SH2D2A: variants seen among roughly 807,000 people sequenced by gnomAD.
SH2D2A encodes the protein SH2 domain-containing protein 2A.
Under a neutral mutation model 43.6 loss-of-function variants are expected in SH2D2A, and 33 were observed. The ratio of observed to expected loss-of-function variants is 0.76; its 90% CI spans 0.57 to 1.01. SH2D2A has a LOEUF of 1.01. SH2D2A is among the 50% of genes least tolerant of loss of function. The pLI, the probability that SH2D2A is intolerant of heterozygous loss-of-function variation, is 0.00. For synonymous variants in SH2D2A, 212 were observed against 206.1 expected (o/e 1.03, Z -0.25); for missense variants, 491 against 503.1 (o/e 0.98, Z 0.23).
chr1:156,815,779 A>T (rs780133657), intron 2 of SH2D2A: 1 of 1,612,164 alleles, frequency 6.2e-7, no homozygotes, highest in South Asian at 1.1e-5. Flanking sequence ...ACTCAGCCTG[A>T]GCTTCCAGAG....
At chr1:156,811,938 C>G (rs1345530821) in intron 5 of SH2D2A, among the ~76,000 whole-genome samples, 1 of 152,088 alleles carries the variant, frequency 6.6e-6, no homozygotes, top group Non-Finnish European at 1.5e-5. Context: ...TGTCTGCAGC[C>G]CATCCCTTTG....
chr1:156,814,501 A>T (rs1242417645), intron 3 of SH2D2A: 1 of 925,598 alleles, frequency 1.1e-6, no homozygotes, highest in Non-Finnish European at 1.6e-6. Flanking sequence ...CAGGGGTCCC[A>T]TTCAGGAGAC....
At chr1:156,806,951 C>T (rs950906317) in intron 8 of SH2D2A, among the ~76,000 whole-genome samples, 1 of 152,162 alleles carries the variant, frequency 6.6e-6, no homozygotes, top group Admixed American at 6.5e-5. Flanking sequence ...ATGACCTTAA[C>T]ATCCTTTCCA....
chr1:156,815,827 C>T (rs767306706), intron 2 of SH2D2A, 179 bp downstream of exon 2: 17 of 1,614,030 alleles, frequency 1.1e-5, no homozygotes, highest in Middle Eastern at 1.6e-4. Context: ...GGCAACTCGG[C>T]GCATGAAGGA....
chr1:156,816,219 G>C, intron 1 of SH2D2A, 125 bp from the exon 2 acceptor site: 1 of 1,423,338 alleles, frequency 7.0e-7, no homozygotes, highest in Admixed American at 2.8e-5. Context: ...CAGGAAAAAC[G>C]CAGAAGGGCA....
chr1:156,814,155 C>T, intron 4 of SH2D2A, 50 bp downstream of exon 4: 1 of 1,608,538 alleles, frequency 6.2e-7, no homozygotes, highest in Non-Finnish European at 8.5e-7. Context: ...CAAGCCCCGC[C>T]CCTCCCGAGC....
At position 156,807,335 on chromosome 1, in the gene SH2D2A, C is replaced by T; in HGVS notation, c.1013G>A (p.Gly338Asp). The T allele has an allele frequency of 6.4e-7, 1 of 1,560,562 alleles. No homozygotes were observed. The highest frequency in any genetic ancestry group is 1.2e-5 in the South Asian group (1 of 84,450). The change falls in exon 8 of 9, where the codon GGC becomes GAC. Residue 338 changes from glycine (G) to aspartate (D), a missense_variant. Coordinates refer to ENST00000368199, the MANE Select transcript of SH2D2A (RefSeq NM_003975.4). The surrounding 1 kb of genome is among the most constrained non-coding windows in gnomAD (Gnocchi z 5.1). ...AGAGTTCTCAGAATGCAGCTGGGAG[C>T]CACCTGTATTCTGCAGAGAGAAGGA... ...RPVPGGQNTGGSQLHSENSVI... is the reference protein window; with the variant it reads ...RPVPGGQNTGDSQLHSENSVI...
chr1:156,815,422 C>T (rs1265502848), intron 2 of SH2D2A: 4 of 570,824 alleles, frequency 7.0e-6, no homozygotes, highest in African/African-American at 3.7e-5. Context: ...AGAGACTCTC[C>T]TTCCTTTGCC....
chr1:156,811,849 C>G (rs1175888866), intron 5 of SH2D2A, among the ~76,000 whole-genome samples: 1 of 152,148 alleles, frequency 6.6e-6, no homozygotes, highest in Non-Finnish European at 1.5e-5. Flanking sequence ...TTCCTTCCCA[C>G]CTACACTGAC....
chr1:156,810,192 C>A (rs1653315307), intron 5 of SH2D2A, among the ~76,000 whole-genome samples: 1 of 152,176 alleles, frequency 6.6e-6, no homozygotes, highest in Non-Finnish European at 1.5e-5. Flanking sequence ...TGTGCCACCA[C>A]ACCGGCTAAT....
intron 5 of SH2D2A, among the ~76,000 whole-genome samples, chr1:156,810,589 C>T (rs1045071013): frequency 1.3e-5 from 2 of 151,708 alleles, no homozygotes; most frequent in Admixed American, 6.6e-5. Flanking sequence ...GGCGCAATCT[C>T]GGCTCACTGC....
In SH2D2A at chr1:156,809,600, C is replaced by G. The variant is rs566693743; in HGVS notation, c.714+61G>C. On this transcript the variant is annotated intron_variant, in intron 6 of 8. Coordinates refer to ENST00000368199, the MANE Select transcript of SH2D2A (RefSeq NM_003975.4). This position sits in a 1 kb window ranked among gnomAD's most constrained non-coding sequence, Gnocchi z 4.8. Reference sequence around the variant, plus strand: ...CCCCCGCTAGGCCCCTCCTCCTCCCCGCTGCCTGCACCCCCTCGCAGGCCT... The same window carrying G: ...CCCCCGCTAGGCCCCTCCTCCTCCCGGCTGCCTGCACCCCCTCGCAGGCCT... 11 of 1,567,050 alleles carry G rather than the reference C, an allele frequency of 7.0e-6. No homozygotes were observed. The African/African-American group carries it at 9.6e-5, about 14-fold the overall frequency.
At position 156,813,930 on chromosome 1, in the gene SH2D2A, C is replaced by A. The variant is rs762454527; in HGVS notation, c.485G>T (p.Arg162Leu). The A allele has an allele frequency of 6.5e-7, 1 of 1,535,828 alleles. No homozygotes were observed. The highest frequency in any genetic ancestry group is 8.7e-7 in the Non-Finnish European group (1 of 1,145,050). ...GTAGTGCAGCAGCAGGTCCTGCAGC[C>A]GCGCGTGGGCGCTGTCCTCGCCCAG... ...VVLGEDSAHA[R>L]LQDLLLHYTA... The change falls in exon 5 of 9, where the codon CGG becomes CTG. Residue 162 changes from arginine to leucine, a missense_variant. By Grantham distance (102) the Arg-to-Leu change is moderately radical. Transcript: ENST00000368199.
chr1:156,809,316 G>T lies in SH2D2A; in HGVS notation c.889C>A (p.Pro297Thr). The T allele has an allele frequency of 6.2e-7, 1 of 1,614,192 alleles. No homozygotes were observed. The highest frequency in any genetic ancestry group is 8.5e-7 in the Non-Finnish European group (1 of 1,180,022). Residue 297 changes from proline (P) to threonine (T), a missense_variant, in exon 7 of 9, where the codon CCT becomes ACT. By Grantham distance (38) the Pro-to-Thr change is conservative. Transcript: ENST00000368199. This position sits in a 1 kb window ranked among gnomAD's most constrained non-coding sequence, Gnocchi z 4.8. ...IAFYAMGRGS[P>T]GEAPSNIYVE... is the part of the protein sequence containing the mutation. The stretch of plus-strand genomic sequence containing the variant: ...TAGATGTTGCTGGGGGCTTCCCCAG[G>T]GCTGCCCCGGCCCATGGCATAGAAA...
At chr1:156,811,448 T>A (rs981793078) in intron 5 of SH2D2A, among the ~76,000 whole-genome samples, 7 of 152,120 alleles carry the variant, frequency 4.6e-5, no homozygotes, top group Non-Finnish European at 7.4e-5. Flanking sequence ...CTCTGTGTGA[T>A]CTCAGACTTC....
At chr1:156,816,155 C>T (rs1319640104) in intron 1 of SH2D2A, 61 bp from the exon 2 acceptor site, 2 of 1,538,170 alleles carry the variant, frequency 1.3e-6, no homozygotes, top group African/African-American at 1.4e-5. Context: ...GTCTCTGCCT[C>T]CCACCCCTCC....
In SH2D2A at chr1:156,807,285, G is replaced by T; in HGVS notation, c.1063C>A (p.Pro355Thr). 1 of 1,431,404 alleles carries T rather than the reference G, an allele frequency of 7.0e-7. No individual in the cohort carries two copies. Among genetic ancestry groups the T allele is most frequent in the Non-Finnish European group, 9.5e-7 (1 of 1,055,938 alleles). 88.7% of individuals were successfully genotyped at this position (1,431,404 alleles called of 1,614,324 possible). The change falls in exon 8 of 9, where the codon CCC becomes ACC. Residue 355 changes from proline to threonine, a missense_variant. Pro to Thr is a conservative substitution (Grantham distance 38). Transcript: ENST00000368199. This position sits in a 1 kb window ranked among gnomAD's most constrained non-coding sequence, Gnocchi z 5.1. ...CTCCAGGCGGGTGGGGGCTGGTGGG[G>T]CAGGGGAGGGCCTTGCCCAATCACA... Reference protein sequence around the residue: ...NSVIGQGPPLPHQPPPAWRHT... With the variant: ...NSVIGQGPPLTHQPPPAWRHT...
At chr1:156,815,870 C>T (rs374331077) in intron 2 of SH2D2A, 136 bp downstream of exon 2, 57 of 1,613,898 alleles carry the variant, frequency 3.5e-5, no homozygotes, top group Non-Finnish European at 4.6e-5. Context: ...TCTCTCTGTG[C>T]CCCAGCCCGT....
rs1653760203 is a variant in SH2D2A, at chr1:156,815,037, C to T, written c.308G>A (p.Arg103Lys). 1 of 1,543,710 alleles carries T rather than the reference C, an allele frequency of 6.5e-7. No individual in the cohort carries two copies. The highest frequency in any genetic ancestry group is 8.8e-7 in the Non-Finnish European group (1 of 1,142,078). ...PAWFHGFITR[R>K]EAERLLEPKP... is the part of the protein sequence containing the mutation. ...GCCAATTTCCTCCTCCATGACTCAC[C>T]TCCGGGTGATGAAGCCATGGAACCA... The change falls in exon 3 of 9, where the codon AGG (arginine) becomes AAG (lysine). Residue 103 changes from arginine to lysine, a missense_variant and splice_region_variant. Transcript: ENST00000368199.
Sources: allele counts gnomAD v4.1 joint callset (sites outside exome capture counted in the v4.1 genomes callset), GRCh38; gene constraint gnomAD v4.1.1; non-coding constraint Gnocchi (gnomAD v3.1); transcripts MANE v1.5; gene names NCBI Gene and HGNC (gene_info 2026-07-23, HGNC 2026-07-21).